Variants in TBC1D1 observed in about 807,000 individuals in gnomAD.
TBC1D1 encodes the protein TBC1 (tre-2/USP6, BUB2, cdc16) domain family, member 1.
A neutral mutation model predicts 125.6 loss-of-function variants in TBC1D1; 89 were observed. The ratio of observed to expected loss-of-function variants is 0.71; its 90% CI spans 0.60 to 0.85. The LOEUF (loss-of-function observed/expected upper bound fraction) is 0.85, where lower values mean the gene tolerates loss of function less well. Ranked by LOEUF, TBC1D1 falls within the 40% of genes least tolerant of loss-of-function variation. The pLI is 0.00. For synonymous variants in TBC1D1, 565 were observed against 564.1 expected, an observed-to-expected ratio of 1.00 and a Z score of -0.02; for missense variants, 1,377 against 1,469.2, an observed-to-expected ratio of 0.94 and a Z score of 1.03.
intron 2 of TBC1D1, among the ~76,000 whole-genome samples, chr4:37,917,563 T>C (rs1191705563): frequency 1.3e-5 from 2 of 152,100 alleles, no homozygotes; most frequent in Admixed American, 6.5e-5. Context: ...CCACAGTAGA[T>C]GGGGATGGAG....
intron 1 of TBC1D1, among the ~76,000 whole-genome samples, chr4:37,893,589 C>T (rs900488062): frequency 4.6e-5 from 7 of 152,130 alleles, no homozygotes; most frequent in Admixed American, 1.3e-4. Flanking sequence ...GAGTCCAAGG[C>T]GGGTGGATCA....
chr4:37,909,567 A>G (rs1718101954), intron 2 of TBC1D1, among the ~76,000 whole-genome samples: 1 of 152,220 alleles, frequency 6.6e-6, no homozygotes, highest in Non-Finnish European at 1.5e-5. Flanking sequence ...ATCGAAGATT[A>G]CAACACAGAG....
chr4:38,047,258 G>A (rs982432148), intron 10 of TBC1D1, among the ~76,000 whole-genome samples: 4 of 152,132 alleles, frequency 2.6e-5, no homozygotes, highest in African/African-American at 7.2e-5. Flanking sequence ...TCCGCCTCCC[G>A]GGTTCAGGCC....
At chr4:38,132,755 G>A (rs1055388934) in intron 18 of TBC1D1, 5 of 179,486 alleles carry the variant, frequency 2.8e-5, no homozygotes, top group Admixed American at 1.9e-4. Flanking sequence ...GAGAAAAGAA[G>A]TGAAATAAGA....
chr4:38,007,848 G>A (rs1481262171), intron 2 of TBC1D1, among the ~76,000 whole-genome samples: 3 of 152,218 alleles, frequency 2.0e-5, no homozygotes, highest in African/African-American at 7.2e-5. Context: ...GCTGTGGGTG[G>A]CATGCGGAGG....
chr4:37,960,939 A>AG, intron 2 of TBC1D1: 1 of 1,614,064 alleles, frequency 6.2e-7, no homozygotes, highest in Non-Finnish European at 8.5e-7. Flanking sequence ...ACCTGTGAAA[A>AG]TGCCCTCTCC....
chr4:38,015,906 C>G (rs533121861), intron 3 of TBC1D1, among the ~76,000 whole-genome samples: 72 of 152,128 alleles, frequency 4.7e-4, no homozygotes, highest in Middle Eastern at 3.4e-3. Flanking sequence ...ATCTTTTGAC[C>G]ATTGATCTAG....
intron 7 of TBC1D1, among the ~76,000 whole-genome samples, chr4:38,031,591 A>G (rs536678247): frequency 2.6e-5 from 4 of 152,324 alleles, no homozygotes; most frequent in South Asian, 2.1e-4. Context: ...GGATGCATCA[A>G]TCAGTGTTGG....
At position 38,125,067 on chromosome 4, in the gene TBC1D1, T is replaced by C. The variant is rs1422990462; in HGVS notation, c.3068T>C (p.Val1023Ala). 3.7e-6 allele frequency: 6 copies of C among 1,614,114 alleles called. No homozygotes were observed. The highest frequency in any genetic ancestry group is 1.1e-5 in the South Asian group (1 of 91,080). Residue 1023 changes from valine to alanine, a missense_variant, in exon 18 of 20, where the codon GTT becomes GCT. Around this residue, in one of 3 missense-constraint regions of TBC1D1, gnomAD observed 543 missense variants for 613.5 expected, o/e 0.89. Coordinates refer to ENST00000261439, the MANE Select transcript of TBC1D1 (RefSeq NM_015173.4). ...CAGCATGAAAACCTAGAAACCATAG[T>C]TGACTTTATAAAAAGCACGCTACCC...
At position 37,960,369 on chromosome 4, in the gene TBC1D1, A is replaced by G. The variant is rs548048028; in HGVS notation, c.418-54140A>G. 1.0e-4 allele frequency: 143 copies of G among 1,371,880 alleles called. No individual in the cohort carries two copies. The African/African-American group carries it at 1.9e-3, about 18-fold the overall frequency. 85.0% of individuals were successfully genotyped at this position (1,371,880 alleles called of 1,614,324 possible). On this transcript the variant is annotated intron_variant, in intron 2 of 19. Transcript: ENST00000261439. ...CAATTTCCACTATAGTTAACATTCT[A>G]TCTAAATATAAAGTGGGACCACGGT...
At chr4:38,053,196 T>G (rs1233876031) in intron 11 of TBC1D1, 1 of 1,526,222 alleles carries the variant, frequency 6.6e-7, no homozygotes, top group Non-Finnish European at 8.8e-7. Context: ...TAGATGAAAA[T>G]AACACCTCTG....
chr4:37,940,528 C>T (rs994886333), intron 2 of TBC1D1, among the ~76,000 whole-genome samples: 1 of 152,146 alleles, frequency 6.6e-6, no homozygotes. Context: ...TTTCTCCTGC[C>T]TGATTGCCCT....
rs77011976 is a variant in TBC1D1 at position 37,935,050 on chromosome 4, G to T, written c.417+32538G>T. On this transcript the variant is annotated intron_variant, in intron 2 of 19. Transcript: ENST00000261439. ...CTTGGAGCACCTGCACAGAAGGGAA[G>T]TGACACATGTCATTTCCACTCACAT... 0.025 allele frequency among the ~76,000 whole-genome samples: 3,755 copies of T among 152,262 alleles called. 429 individuals are homozygous for T. The East Asian group carries it at 0.34, about 14-fold the overall frequency.
intron 2 of TBC1D1, among the ~76,000 whole-genome samples, chr4:37,904,067 C>T (rs1716763606): frequency 6.6e-6 from 1 of 152,196 alleles, no homozygotes; most frequent in African/African-American, 2.4e-5. Context: ...ACTGGGTGGC[C>T]TCAGGCAATT....
At chr4:37,965,342 G>T (rs546111982) in intron 2 of TBC1D1, among the ~76,000 whole-genome samples, 33 of 152,258 alleles carry the variant, frequency 2.2e-4, no homozygotes, top group African/African-American at 7.5e-4. Flanking sequence ...AAGGTTTGCT[G>T]GTTTTAGCAG....
intron 2 of TBC1D1, among the ~76,000 whole-genome samples, chr4:37,955,225 C>T (rs1157045663): frequency 1.3e-5 from 2 of 152,302 alleles, no homozygotes; most frequent in East Asian, 3.9e-4. Context: ...CTTCATTTTA[C>T]TTCTGGAGCA....
rs1758150943 is a variant in TBC1D1, at chr4:38,089,943, C to A, written c.2062C>A (p.Leu688Met). Residue 688 changes from leucine (L) to methionine (M), a missense_variant, in exon 13 of 20, where the codon CTG (leucine) becomes ATG (methionine). Transcript: ENST00000261439. ...GTCTCCCTTTCCAGATTATTCAGAG[C>A]TGGGAGAGCTTCCCCCACGATCTCC... The A allele has an allele frequency of 1.3e-6, 2 of 1,589,216 alleles. No homozygotes were observed. The highest frequency in any genetic ancestry group is 1.7e-6 in the Non-Finnish European group (2 of 1,170,118).
intron 12 of TBC1D1, 44 bp downstream of exon 14, chr4:38,054,382 A>G (rs1168333132): frequency 2.5e-6 from 4 of 1,610,236 alleles, no homozygotes; most frequent in Non-Finnish European, 3.4e-6. Flanking sequence ...GAGCACGCTG[A>G]CAGAGGACCC....
chr4:38,123,816 G>A (rs1250147948), intron 17 of TBC1D1, among the ~76,000 whole-genome samples: 6 of 152,222 alleles, frequency 3.9e-5, no homozygotes, highest in Non-Finnish European at 8.8e-5. Flanking sequence ...CAGCCAGCGG[G>A]CTCCTGGGTC....
Sources: allele counts gnomAD v4.1 joint callset (sites outside exome capture counted in the v4.1 genomes callset), GRCh38; gene constraint gnomAD v4.1.1; regional missense constraint gnomAD v4.1.1; transcripts MANE v1.5; gene names NCBI Gene and HGNC (gene_info 2026-07-23, HGNC 2026-07-21).